The following SNX29 variants were observed in gnomAD, a reference collection of about 807,000 sequenced individuals.
SNX29 encodes sorting nexin 29, also known as sorting nexin-29.
A neutral mutation model predicts 102.1 loss-of-function variants in SNX29; 78 were observed. The ratio of observed to expected loss-of-function variants is 0.76; its 90% CI spans 0.64 to 0.92. SNX29 has a LOEUF of 0.92. Among genes scored for constraint, SNX29 ranks in the 40% least tolerant of loss-of-function variants. The pLI is 0.00. For missense variants in SNX29, 1,280 were observed against 1,061.7 expected (o/e 1.21, Z -2.86); for synonymous variants, 580 against 414.5 (o/e 1.40, Z -4.85).
intron 20 of SNX29, among the ~76,000 whole-genome samples, chr16:12,538,652 CAGAA>C (rs768361579): frequency 2.0e-5 from 3 of 152,120 alleles, no homozygotes; most frequent in Non-Finnish European, 4.4e-5. Context: ...GGCTGTGAAA[CAGAA>C]AGATCCACAG....
chr16:12,464,021 C>T (rs925423714), intron 18 of SNX29, among the ~76,000 whole-genome samples: 2 of 152,006 alleles, frequency 1.3e-5, no homozygotes, highest in South Asian at 2.1e-4. Flanking sequence ...CCTATCCATC[C>T]CCCCAGCCCC....
chr16:12,514,369 C>T (rs1012261488), intron 19 of SNX29, among the ~76,000 whole-genome samples: 4 of 152,166 alleles, frequency 2.6e-5, no homozygotes, highest in Non-Finnish European at 5.9e-5. Flanking sequence ...CCCTAAGCTA[C>T]TGTCTTTGGC....
chr16:12,366,091 G>T (rs890263492), intron 16 of SNX29, among the ~76,000 whole-genome samples: 1 of 151,144 alleles, frequency 6.6e-6, no homozygotes, highest in East Asian at 1.9e-4. Flanking sequence ...GATTGAGTGG[G>T]GGGTTTGCAT....
chr16:12,466,926 A>AT (rs1226247762), intron 18 of SNX29, among the ~76,000 whole-genome samples: 1 of 152,194 alleles, frequency 6.6e-6, no homozygotes, highest in African/African-American at 2.4e-5. Context: ...AGTCCATGGC[A>AT]TATCTACTCA....
At chr16:12,354,809 GT>G (rs2082086460) in intron 15 of SNX29, among the ~76,000 whole-genome samples, 1 of 152,180 alleles carries the variant, frequency 6.6e-6, no homozygotes. Flanking sequence ...AAGGAATAAG[GT>G]AACAAAGGAA....
At chr16:12,115,197 C>G (rs1486056822) in intron 11 of SNX29, among the ~76,000 whole-genome samples, 1 of 152,080 alleles carries the variant, frequency 6.6e-6, no homozygotes, top group Admixed American at 6.5e-5. Context: ...CTTCAGCCCC[C>G]CTCGCTGCTT....
chr16:12,362,278 T>G (rs567038523), intron 16 of SNX29, among the ~76,000 whole-genome samples: 15 of 152,062 alleles, frequency 9.9e-5, no homozygotes, highest in African/African-American at 3.6e-4. Flanking sequence ...GATGAAATCC[T>G]CCCTTTAGCC....
rs1157141398 is a variant in SNX29, at chr16:12,572,836, C to A, written c.*4207C>A. Reference sequence around the variant, plus strand: ...TTAGGAGGCATCCCAGAAGGGGCAGCCTCATGCCCAGGTTTCAGCCCTAAA... The same window carrying A: ...TTAGGAGGCATCCCAGAAGGGGCAGACTCATGCCCAGGTTTCAGCCCTAAA... On this transcript the variant is annotated 3_prime_UTR_variant, in exon 21 of 21. Transcript: ENST00000566228. 33 of 1,063,740 alleles carry A rather than the reference C, an allele frequency of 3.1e-5. No individual in the cohort carries two copies. Among genetic ancestry groups the A allele is most frequent in the African/African-American group, 4.9e-5 (3 of 60,982 alleles). The allele number at this position is 1,063,740 out of a possible 1,614,324, so 65.9% of individuals were successfully genotyped here. A position where few individuals can be genotyped will look rare whatever the true frequency, so the allele number is the denominator to read the frequency against.
intron 13 of SNX29, among the ~76,000 whole-genome samples, chr16:12,143,069 C>T (rs944952813): frequency 6.6e-6 from 1 of 151,268 alleles, no homozygotes; most frequent in Non-Finnish European, 1.5e-5. Flanking sequence ...GCGATCTCAG[C>T]TCATTGCAAC....
chr16:12,075,567 G>GC (rs2051515969), intron 10 of SNX29, among the ~76,000 whole-genome samples: 1 of 152,206 alleles, frequency 6.6e-6, no homozygotes. Context: ...GTGTCAGTCT[G>GC]CCCCTACTGG....
chr16:12,554,872 GAT>G (rs1324212552), intron 20 of SNX29, among the ~76,000 whole-genome samples: 7 of 152,178 alleles, frequency 4.6e-5, no homozygotes, highest in Non-Finnish European at 8.8e-5. Context: ...AGAGGACAAA[GAT>G]ATGTCAGCAT....
chr16:12,234,459 C>T (rs1425127373), intron 14 of SNX29, among the ~76,000 whole-genome samples: 1 of 151,964 alleles, frequency 6.6e-6, no homozygotes, highest in African/African-American at 2.4e-5. Context: ...ATTGTGGATA[C>T]TAGACCCGTA....
chr16:12,052,272 C>A (rs749435125), intron 8 of SNX29, 50 bp downstream of exon 8: 1 of 1,600,662 alleles, frequency 6.2e-7, no homozygotes, highest in East Asian at 2.3e-5. Flanking sequence ...GCTGGAGTGC[C>A]GTGGCGTGAT....
chr16:12,326,883 C>G (rs1173617989), intron 15 of SNX29, among the ~76,000 whole-genome samples: 2 of 152,118 alleles, frequency 1.3e-5, no homozygotes, highest in Non-Finnish European at 2.9e-5. Context: ...GAACGTGGTG[C>G]TTTTTATTAC....
intron 13 of SNX29, among the ~76,000 whole-genome samples, chr16:12,162,175 T>C (rs1416426060): frequency 2.0e-5 from 3 of 152,114 alleles, no homozygotes; most frequent in Non-Finnish European, 4.4e-5. Flanking sequence ...TCTTGAACAC[T>C]CTTCCCTCAG....
chr16:12,541,364 C>T (rs2077331303), intron 20 of SNX29, among the ~76,000 whole-genome samples: 2 of 152,100 alleles, frequency 1.3e-5, no homozygotes, highest in African/African-American at 2.4e-5. Flanking sequence ...CACAGAATTC[C>T]CTATGAGGGC....
At position 11,999,300 on chromosome 16, in the gene SNX29, C is replaced by G. The variant is rs748119900; in HGVS notation, c.11C>G (p.Ser4Ter). 1.4e-5 allele frequency: 23 copies of G among 1,613,860 alleles called. No individual in the cohort carries two copies. Among genetic ancestry groups the G allele is most frequent in the Non-Finnish European group, 1.7e-6 (2 of 1,179,920 alleles). MSG[S>*]QNNDKRQFLL... is the part of the protein sequence containing the mutation. The stretch of plus-strand genomic sequence containing the variant: ...ATTAAGCCTCATTGCATTTTAGGAT[C>G]ACAGAACAATGACAAAAGACAATTT... The change falls in exon 2 of 21, where the codon TCA becomes TGA. Residue 4 changes from serine (S) to a stop codon, truncating the protein, a stop_gained. Transcript: ENST00000566228. LOFTEE classifies it high-confidence loss of function.
At chr16:12,355,843 T>TAAAAAA (rs56358290) in intron 15 of SNX29, among the ~76,000 whole-genome samples, 32 of 85,558 alleles carry the variant, frequency 3.7e-4, no homozygotes, top group South Asian at 5.7e-4. Flanking sequence ...GAGATCTTAT[T>TAAAAAA]AAAAAAAAAA....
At chr16:12,209,682 G>A (rs2077132764) in intron 14 of SNX29, among the ~76,000 whole-genome samples, 1 of 152,218 alleles carries the variant, frequency 6.6e-6, no homozygotes, top group South Asian at 2.1e-4. Flanking sequence ...GGACCACTTA[G>A]GAGACGTGAG....
Sources: gnomAD v4.1 joint callset for allele counts (sites outside exome capture counted in the v4.1 genomes callset) on GRCh38, gnomAD v4.1.1 for gene constraint, MANE v1.5 for transcripts, NCBI Gene and HGNC (gene_info 2026-07-23, HGNC 2026-07-21) for gene names.